ASIC5: variants seen among roughly 807,000 people sequenced by gnomAD.
ASIC5 encodes bile acid-sensitive ion channel.
ASIC5 carries 52 observed loss-of-function variants against 51.2 expected under a neutral mutation model. The ratio of observed to expected loss-of-function variants is 1.02; its 90% CI spans 0.81 to 1.28. The LOEUF (loss-of-function observed/expected upper bound fraction) is 1.28, where lower values mean the gene tolerates loss of function less well. ASIC5 is among the 50% of genes most tolerant of loss of function. The pLI is 0.00. For synonymous variants in ASIC5, 231 were observed against 200.7 expected (o/e 1.15, Z -1.28); for missense variants, 635 against 595.0 (o/e 1.07, Z -0.70).
At chr4:155,856,726 C>T (rs12647431) in intron 2 of ASIC5, among the ~76,000 whole-genome samples, 67,084 of 151,876 alleles carry the variant, frequency 0.44, 17,467 homozygotes, top group East Asian at 0.76. Context: ...AGAGATGGAC[C>T]TCCAAGCTAC....
At chr4:155,866,135 G>T in intron 1 of ASIC5, 52 bp downstream of exon 1, 2 of 1,158,670 alleles carry the variant, frequency 1.7e-6, no homozygotes, top group Non-Finnish European at 2.5e-6. Flanking sequence ...CTTACTTCTG[G>T]CCTCTAGAAA....
At chr4:155,860,227 AT>A (rs1741664518) in intron 2 of ASIC5, among the ~76,000 whole-genome samples, 1 of 151,828 alleles carries the variant, frequency 6.6e-6, no homozygotes, top group Non-Finnish European at 1.5e-5. Flanking sequence ...TCCTTATCCT[AT>A]TTTATCTCAT....
Position 155,836,738 on chromosome 4 carries a change from CT to C in ASIC5, c.1185del (p.Ala396LeufsTer2), listed in dbSNP as rs2111229130. 2 of 1,611,642 alleles carry C rather than the reference CT, an allele frequency of 1.2e-6. No individual in the cohort carries two copies. The highest frequency in any genetic ancestry group is 1.7e-6 in the Non-Finnish European group (2 of 1,178,170). ...AACTTCTTGGAAAGATATTTCAAAG[CT>C]TTTTGACTTGGAAAAGAGGAATAAG... ...TISYSSFPSQ[K>X]ALKYLSKKLN... On this transcript the variant is annotated frameshift_variant, in exon 8 of 10. Coordinates refer to ENST00000537611, the MANE Select transcript of ASIC5 (RefSeq NM_017419.3). LOFTEE classifies it high-confidence loss of function.
chr4:155,841,159 T>C lies in ASIC5; in HGVS notation c.1009+1048A>G, dbSNP rs116258609. Reference sequence around the variant, plus strand: ...ATGAATTAGTTTTTCTCTATTGCAATTCCTTTGTCTTGATAAATCAGCTCT... The same window carrying C: ...ATGAATTAGTTTTTCTCTATTGCAACTCCTTTGTCTTGATAAATCAGCTCT... On this transcript the variant is annotated intron_variant, in intron 6 of 9. Transcript: ENST00000537611. Among the ~76,000 whole-genome samples the C allele has an allele frequency of 5.5e-3, 843 of 152,174 alleles. 8 individuals are homozygous for C. The highest frequency in any genetic ancestry group is 0.018 in the African/African-American group (734 of 41,552).
chr4:155,838,728 C>T (rs968043829), intron 7 of ASIC5, 85 bp downstream of exon 7: 2 of 774,064 alleles, frequency 2.6e-6, no homozygotes, highest in Admixed American at 2.4e-5. Flanking sequence ...AATTTCTGGG[C>T]TATCCATAGT....
rs148163495 is a variant in ASIC5 at position 155,831,836 on chromosome 4, A to G, written c.1315T>C (p.Ser439Pro). ...AAATAACACTTACCAAGTAACTCAG[A>G]CACACTCACCGCCTTTTGCTGCTGG... ...ITQQQKAVSVSELLADLGGQL... is the reference protein window; with the variant it reads ...ITQQQKAVSVPELLADLGGQL... Residue 439 changes from serine to proline, a missense_variant, in exon 9 of 10, where the codon TCT (serine) becomes CCT (proline). Physicochemically the swap from Ser to Pro is moderately conservative, Grantham distance 74. Transcript: ENST00000537611. 106 of 1,595,984 alleles carry G rather than the reference A, an allele frequency of 6.6e-5. No homozygotes were observed. Among genetic ancestry groups the G allele is most frequent in the Non-Finnish European group, 8.9e-5 (104 of 1,164,592 alleles).
intron 8 of ASIC5, among the ~76,000 whole-genome samples, chr4:155,833,577 G>A (rs1006602074): frequency 3.3e-5 from 5 of 152,152 alleles, no homozygotes; most frequent in African/African-American, 4.8e-5. Context: ...AGTTCCCAAA[G>A]TAATGGAAAA....
intron 8 of ASIC5, among the ~76,000 whole-genome samples, chr4:155,834,739 G>C (rs1181708307): frequency 6.6e-6 from 1 of 152,034 alleles, no homozygotes; most frequent in South Asian, 2.1e-4. Context: ...CCAAAAAGTT[G>C]CCTTTTGGCC....
At chr4:155,863,782 A>C in intron 1 of ASIC5, 28 bp from the exon 2 acceptor site, 1 of 1,560,274 alleles carries the variant, frequency 6.4e-7, no homozygotes, top group Non-Finnish European at 8.7e-7. Flanking sequence ...AAAATGATTA[A>C]ACAAAAAAAA....
At chr4:155,863,916 G>A (rs567363482) in intron 1 of ASIC5, among the ~76,000 whole-genome samples, 162 bp from the exon 2 acceptor site, 68 of 152,104 alleles carry the variant, frequency 4.5e-4, no homozygotes, top group Non-Finnish European at 8.1e-4. Context: ...ATTTATTCAG[G>A]AATCAAGAAG....
At position 155,863,449 on chromosome 4, in the gene ASIC5, T is replaced by C. The variant is rs754803289; in HGVS notation, c.346A>G (p.Arg116Gly). 99 of 1,606,268 alleles carry C rather than the reference T, an allele frequency of 6.2e-5. No homozygotes were observed. The highest frequency in any genetic ancestry group is 8.1e-5 in the Non-Finnish European group (95 of 1,174,760). ...FPAVTFCNLN[R>G]FQTDAVAKFG... Reference sequence around the variant, plus strand: ...TATTTTTAAAAAAGTAATTTTTACCTGTTCAAATTACAAAATGTCACAGCT... The same window carrying C: ...TATTTTTAAAAAAGTAATTTTTACCCGTTCAAATTACAAAATGTCACAGCT... The change falls in exon 2 of 10, where the codon AGG becomes GGG. Residue 116 changes from arginine (R) to glycine (G), a missense_variant and splice_region_variant. Coordinates refer to ENST00000537611, the MANE Select transcript of ASIC5 (RefSeq NM_017419.3).
intron 7 of ASIC5, 115 bp from the exon 8 acceptor site, chr4:155,836,972 C>G: frequency 1.4e-6 from 1 of 722,728 alleles, no homozygotes; most frequent in Non-Finnish European, 2.2e-6. Context: ...TGGTTACCAA[C>G]AACAAATGGT....
intron 8 of ASIC5, among the ~76,000 whole-genome samples, chr4:155,833,343 C>T (rs1380898319): frequency 1.3e-5 from 2 of 152,040 alleles, no homozygotes; most frequent in Non-Finnish European, 2.9e-5. Context: ...GCCGAGTTTC[C>T]TAGAATTATG....
intron 1 of ASIC5, among the ~76,000 whole-genome samples, chr4:155,864,169 A>G (rs1035757630): frequency 6.6e-6 from 1 of 152,210 alleles, no homozygotes; most frequent in African/African-American, 2.4e-5. Context: ...AGTCCTAAGT[A>G]TGGCTAAAAG....
At chr4:155,854,993 C>T (rs1741493006) in intron 2 of ASIC5, 1 of 152,126 alleles carries the variant, frequency 6.6e-6, no homozygotes, top group Admixed American at 6.6e-5. Flanking sequence ...ATCCATTTTC[C>T]CTTCCTGCTG....
chr4:155,852,079 C>G, intron 4 of ASIC5, 112 bp downstream of exon 4: 1 of 1,268,266 alleles, frequency 7.9e-7, no homozygotes, highest in Non-Finnish European at 1.1e-6. Flanking sequence ...TTAACAAAAA[C>G]TGAAATAATA....
At chr4:155,857,372 C>A (rs1386434726) in intron 2 of ASIC5, among the ~76,000 whole-genome samples, 1 of 152,026 alleles carries the variant, frequency 6.6e-6, no homozygotes, top group Non-Finnish European at 1.5e-5. Flanking sequence ...AATCTGCCTA[C>A]CTTGGCCTCC....
intron 4 of ASIC5, among the ~76,000 whole-genome samples, chr4:155,849,582 A>T (rs1303283580): frequency 1.3e-5 from 2 of 152,120 alleles, no homozygotes; most frequent in African/African-American, 4.8e-5. Context: ...TTATGTTTCC[A>T]AAACTAGGGT....
intron 4 of ASIC5, among the ~76,000 whole-genome samples, chr4:155,849,761 G>A (rs1741337810): frequency 6.6e-6 from 1 of 151,720 alleles, no homozygotes; most frequent in African/African-American, 2.4e-5. Flanking sequence ...TGAAAACTAA[G>A]CTGTGCTTTC....
Sources: allele counts gnomAD v4.1 joint callset (sites outside exome capture counted in the v4.1 genomes callset), GRCh38; gene constraint gnomAD v4.1.1; transcripts MANE v1.5; gene names NCBI Gene and HGNC (gene_info 2026-07-23, HGNC 2026-07-21).